SELENOO: variants seen among roughly 807,000 people sequenced by gnomAD.
SELENOO encodes selenoprotein O, also known as protein adenylyltransferase SelO, mitochondrial.
Under a neutral mutation model 58.7 loss-of-function variants are expected in SELENOO, and 74 were observed. That is an observed-to-expected ratio of 1.26 (90% CI 1.04 to 1.53). The LOEUF is 1.53. SELENOO is among the 40% of genes most tolerant of loss of function. The pLI, the probability that SELENOO is intolerant of heterozygous loss-of-function variation, is 0.00. For missense variants in SELENOO, 1,149 were observed against 970.0 expected (o/e 1.18, Z -2.45); for synonymous variants, 543 against 453.2 (o/e 1.20, Z -2.52).
rs754911283 is a variant in SELENOO at position 50,201,389 on chromosome 22, C to T, written c.353C>T (p.Ala118Val). 9 of 1,276,436 alleles carry T rather than the reference C, an allele frequency of 7.1e-6. No individual in the cohort carries two copies. Among genetic ancestry groups the T allele is most frequent in the Non-Finnish European group, 4.0e-6 (4 of 1,009,356 alleles). 79.1% of individuals were successfully genotyped at this position (1,276,436 alleles called of 1,614,324 possible). ...LGAPPAREAE[A>V]EAALFFSGNA... ...GCGCCGCCCGCGCGCGAGGCCGAGG[C>T]CGAGGCCGCGCTGTTCTTCAGCGGC... Residue 118 changes from alanine to valine, a missense_variant, in exon 1 of 9, where the codon GCC becomes GTC. By Grantham distance (64) the Ala-to-Val change is moderately conservative. Coordinates refer to ENST00000380903, the MANE Select transcript of SELENOO (RefSeq NM_031454.2).
chr22:50,215,438 T>G (rs988954577), intron 5 of SELENOO, among the ~76,000 whole-genome samples: 4 of 148,600 alleles, frequency 2.7e-5, no homozygotes, highest in East Asian at 2.0e-4. Context: ...GGGGGCAGCA[T>G]TTGGGTCCGT....
rs1232517071 is a variant in SELENOO at position 50,206,502 on chromosome 22, T to C, written c.740T>C (p.Val247Ala). 1.2e-6 allele frequency: 2 copies of C among 1,613,852 alleles called. No individual in the cohort carries two copies. The highest frequency in any genetic ancestry group is 1.7e-6 in the Non-Finnish European group (2 of 1,179,828). The change falls in exon 2 of 9, where the codon GTA becomes GCA. Residue 247 changes from valine (V) to alanine (A), a missense_variant. Coordinates refer to ENST00000380903, the MANE Select transcript of SELENOO (RefSeq NM_031454.2). The stretch of plus-strand genomic sequence containing the variant: ...GAACAATGCACGGTTGTGTTGCGTG[T>C]AGCTTCCACTTTCATAAGGTAATGC... ...KYEQCTVVLRVASTFIRFGSF... is the reference protein window; with the variant it reads ...KYEQCTVVLRAASTFIRFGSF...
intron 8 of SELENOO, 26 bp downstream of exon 8, chr22:50,217,154 C>T: frequency 6.2e-7 from 1 of 1,611,116 alleles, no homozygotes; most frequent in Non-Finnish European, 8.5e-7. Context: ...TCCCTGTGGT[C>T]CCTGGGAGGG....
chr22:50,210,561 C>T, intron 4 of SELENOO, 70 bp from the exon 5 acceptor site: 1 of 1,602,944 alleles, frequency 6.2e-7, no homozygotes, highest in South Asian at 1.1e-5. Flanking sequence ...GCCTCCCCTC[C>T]AGGGTGGCTG....
rs902887666 is a variant in SELENOO at position 50,206,533 on chromosome 22, G to T, written c.758+13G>T. 45 of 1,604,444 alleles carry T rather than the reference G, an allele frequency of 2.8e-5. No homozygotes were observed. In the African/African-American group the frequency reaches 5.6e-4, roughly 20 times the overall value. On this transcript the variant is annotated intron_variant, in intron 2 of 8. Coordinates refer to ENST00000380903, the MANE Select transcript of SELENOO (RefSeq NM_031454.2). ...CCACTTTCATAAGGTAATGCCGGGGGCCTTTCGGCCTGTCTACACGCACTT... is the reference window on the plus strand; with the variant it reads ...CCACTTTCATAAGGTAATGCCGGGGTCCTTTCGGCCTGTCTACACGCACTT...
intron 3 of SELENOO, chr22:50,209,561 A>T (rs1372647303): frequency 6.6e-6 from 1 of 152,596 alleles, no homozygotes; most frequent in Non-Finnish European, 1.5e-5. Flanking sequence ...AAGGCAGGTC[A>T]CTCTGCCCCT....
In SELENOO at chr22:50,210,679, C is replaced by T. The variant is rs370893213; in HGVS notation, c.1119C>T (p.Tyr373=). Residue 373 remains tyrosine, a synonymous_variant, in exon 5 of 9, where the codon TAC becomes TAT. Coordinates refer to ENST00000380903, the MANE Select transcript of SELENOO (RefSeq NM_031454.2). ...VCNASDNTGR[Y]AYSKQPEVCR... Reference sequence around the variant, plus strand: ...ATGCCTCCGACAACACCGGCCGCTACGCGTACAGCAAGCAGCCCGAGGTGT... The same window carrying T: ...ATGCCTCCGACAACACCGGCCGCTATGCGTACAGCAAGCAGCCCGAGGTGT... 59 of 1,613,258 alleles carry T rather than the reference C, an allele frequency of 3.7e-5. No individual in the cohort carries two copies. Among genetic ancestry groups the T allele is most frequent in the East Asian group, 4.5e-5 (2 of 44,884 alleles).
At chr22:50,210,146 C>T (rs751538310) in intron 3 of SELENOO, 35 bp from the exon 4 acceptor site, 1 of 1,603,790 alleles carries the variant, frequency 6.2e-7, no homozygotes. Flanking sequence ...TGGGCAGGAC[C>T]CCGAGGAGGG....
At chr22:50,215,653 T>C in intron 5 of SELENOO, 64 bp from the exon 6 acceptor site, 1 of 1,134,374 alleles carries the variant, frequency 8.8e-7, no homozygotes. Context: ...GGGGGGTCTG[T>C]GTGGCACCAG....
intron 4 of SELENOO, 82 bp downstream of exon 4, chr22:50,210,393 C>G (rs772502656): frequency 9.1e-6 from 14 of 1,538,064 alleles, no homozygotes; most frequent in East Asian, 2.3e-5. Context: ...CCCCCAGGCA[C>G]TGGCCCGTGA....
At chr22:50,213,696 G>A (rs1198593171) in intron 5 of SELENOO, among the ~76,000 whole-genome samples, 3 of 152,150 alleles carry the variant, frequency 2.0e-5, no homozygotes, top group South Asian at 2.1e-4. Flanking sequence ...CACCCAGGCT[G>A]GAGTGCAGTG....
At chr22:50,209,050 G>A (rs2064351148) in intron 3 of SELENOO, among the ~76,000 whole-genome samples, 1 of 152,204 alleles carries the variant, frequency 6.6e-6, no homozygotes. Flanking sequence ...GATACGTCTT[G>A]ATGCCCAGGG....
chr22:50,208,085 T>G (rs1040633037), intron 2 of SELENOO, among the ~76,000 whole-genome samples: 14 of 151,828 alleles, frequency 9.2e-5, no homozygotes, highest in Admixed American at 2.0e-4. Flanking sequence ...TGGTTGGTTG[T>G]TTGCTTTTGT....
chr22:50,206,313 TCAGA>T lies in SELENOO; in HGVS notation c.555_558del (p.Gln186ProfsTer61). ...CACGTAGTGAACTCTGTGTTTGGTTTCAGACAGGCCGACGGTCGCAAGGTCCTAC... is the reference window on the plus strand; with the variant it reads ...CACGTAGTGAACTCTGTGTTTGGTTTCAGGCCGACGGTCGCAAGGTCCTAC... On this transcript the variant is annotated splice_acceptor_variant and splice_polypyrimidine_tract_variant and coding_sequence_variant and intron_variant, in exon 2 of 9. Transcript: ENST00000380903. LOFTEE classifies it high-confidence loss of function. The T allele has an allele frequency of 4.2e-5, 67 of 1,613,340 alleles. 1 individual carries two copies. The South Asian group carries it at 5.5e-4, about 13-fold the overall frequency.
rs1346540447 is a variant in SELENOO at position 50,210,229 on chromosome 22, T to A, written c.988T>A (p.Phe330Ile). 2.5e-6 allele frequency: 4 copies of A among 1,613,426 alleles called. No individual in the cohort carries two copies. In the East Asian group the frequency reaches 8.9e-5, roughly 36 times the overall value. Residue 330 changes from phenylalanine to isoleucine, a missense_variant, in exon 4 of 9, where the codon TTC becomes ATC. Physicochemically the swap from Phe to Ile is conservative, Grantham distance 21. Transcript: ENST00000380903. ...GGTGGCCGAGTGGCAGTGTGTGGGC[T>A]TCTGCCACGGCGTGCTCAACACCGA... is the stretch of plus-strand genomic sequence containing the variant. ...RMVAEWQCVG[F>I]CHGVLNTDNM... is the part of the protein sequence containing the mutation.
At position 50,206,418 on chromosome 22, in the gene SELENOO, G is replaced by GCGTCA. The variant is rs1294905404; in HGVS notation, c.661_665dup (p.Glu223ArgfsTer27). On this transcript the variant is annotated frameshift_variant, in exon 2 of 9. Transcript: ENST00000380903. LOFTEE classifies it high-confidence loss of function. The stretch of plus-strand genomic sequence containing the variant: ...GTCCCCACCACACGGGCCGGCGCCT[G>GCGTCA]CGTCACGTCCGAGTCCACGGTGGTG... The GCGTCA allele has an allele frequency of 6.2e-7, 1 of 1,614,094 alleles. No individual in the cohort carries two copies. The highest frequency in any genetic ancestry group is 1.3e-5 in the African/African-American group (1 of 74,950).
At chr22:50,216,479 A>G (rs1453288022) in intron 6 of SELENOO, among the ~76,000 whole-genome samples, 1 of 152,242 alleles carries the variant, frequency 6.6e-6, no homozygotes, top group Admixed American at 6.5e-5. Flanking sequence ...CCCTCGGCCC[A>G]CAAAGGGCCT....
At chr22:50,210,961 C>T (rs1569103228) in intron 5 of SELENOO, 50 bp downstream of exon 5, 1 of 1,600,870 alleles carries the variant, frequency 6.2e-7, no homozygotes, top group Admixed American at 1.7e-5. Flanking sequence ...TGCTGTTGTG[C>T]TTAGAGATGG....
intron 5 of SELENOO, among the ~76,000 whole-genome samples, chr22:50,214,348 G>C (rs2064391625): frequency 6.6e-6 from 1 of 152,218 alleles, no homozygotes; most frequent in Non-Finnish European, 1.5e-5. Flanking sequence ...GGCCGGGCAT[G>C]GTGGCTCATG....
Sources: allele counts gnomAD v4.1 joint callset (sites outside exome capture counted in the v4.1 genomes callset), GRCh38; gene constraint gnomAD v4.1.1; transcripts MANE v1.5; gene names NCBI Gene and HGNC (gene_info 2026-07-23, HGNC 2026-07-21).